The following SYAP1 variants were observed in gnomAD, a reference collection of about 807,000 sequenced individuals.
SYAP1 encodes the protein synapse-associated protein 1.
In SYAP1, 3 loss-of-function variants were observed where a neutral mutation model predicts 29.6. The ratio of observed to expected loss-of-function variants is 0.10; its 90% CI spans 0.05 to 0.26. SYAP1 has a LOEUF of 0.26. Among genes scored for constraint, SYAP1 ranks in the 10% least tolerant of loss-of-function variants. The pLI is 1.00. For missense variants in SYAP1, 217 were observed against 264.1 expected (o/e 0.82, Z 1.24); for synonymous variants, 102 against 102.7 (o/e 0.99, Z 0.04).
In SYAP1 at chrX:16,763,483, G is replaced by A. The variant is rs1373823251; in HGVS notation, c.*3124G>A. 9.1e-6 allele frequency: 1 copy of A among 110,132 alleles called. No individual in the cohort carries two copies. Among genetic ancestry groups the A allele is most frequent in the Admixed American group, 9.9e-5 (1 of 10,150 alleles). 9.1% of individuals were successfully genotyped at this position (110,132 alleles called of 1,213,427 possible). A position where few individuals can be genotyped will look rare whatever the true frequency, so the allele number is the denominator to read the frequency against. ...TTCTCCCACCTCAGCCTCCAGAGTA[G>A]CTGGGATTACAGGCAACCGCCACCA... On this transcript the variant is annotated 3_prime_UTR_variant, in exon 9 of 9. Transcript: ENST00000380155.
At chrX:16,743,300 C>T (rs1926515583) in intron 4 of SYAP1, among the ~76,000 whole-genome samples, 1 of 105,671 alleles carries the variant, frequency 9.5e-6, no homozygotes, top group African/African-American at 3.5e-5. Flanking sequence ...TGCATTATAG[C>T]CTGGGCGACA....
intron 3 of SYAP1, among the ~76,000 whole-genome samples, chrX:16,736,900 A>G (rs1349800521): frequency 8.9e-6 from 1 of 111,759 alleles, no homozygotes; most frequent in Non-Finnish European, 1.9e-5. Context: ...TGCTGTCTTC[A>G]GGAGAAAAAA....
intron 3 of SYAP1, 122 bp from the exon 4 acceptor site, chrX:16,741,594 T>C (rs978990028): frequency 1.1e-4 from 49 of 460,935 alleles, no homozygotes; most frequent in African/African-American, 9.5e-4. Flanking sequence ...TTGGAACTTA[T>C]TGGTAAATTG....
intron 5 of SYAP1, among the ~76,000 whole-genome samples, chrX:16,745,677 A>G (rs1348426567): frequency 1.9e-5 from 2 of 107,317 alleles, no homozygotes; most frequent in African/African-American, 6.8e-5. Flanking sequence ...CAGAGGTTGC[A>G]GTGCACCAAG....
chrX:16,729,503 A>G (rs1361426530), intron 1 of SYAP1, among the ~76,000 whole-genome samples: 1 of 86,050 alleles, frequency 1.2e-5, no homozygotes, highest in East Asian at 3.5e-4. Context: ...TTTTTTTTTT[A>G]GAGACAGAGT....
At chrX:16,737,309 T>C (rs1569249197) in intron 3 of SYAP1, among the ~76,000 whole-genome samples, 1 of 111,081 alleles carries the variant, frequency 9.0e-6, no homozygotes, top group Non-Finnish European at 1.9e-5. Flanking sequence ...CACTTGAGCT[T>C]GGGAGTTTGA....
At chrX:16,743,671 AC>A in intron 4 of SYAP1, 29 bp from the exon 5 acceptor site, 2 of 1,199,066 alleles carry the variant, frequency 1.7e-6, no homozygotes, top group South Asian at 1.8e-5. Context: ...TTTGTGGAAT[AC>A]CCTGTGTTTT....
chrX:16,747,486 G>T lies in SYAP1; in HGVS notation c.575+3646G>T, dbSNP rs113857026. 2.6e-3 allele frequency among the ~76,000 whole-genome samples: 289 copies of T among 112,433 alleles called. 1 individual carries two copies. The highest frequency in any genetic ancestry group is 8.6e-3 in the African/African-American group (266 of 31,064). ...GCTTGGCTCCTGCTGTGGCTCTCAAGACCAGCAAGAGGCCCTGAGTGGCTG... is the reference window on the plus strand; with the variant it reads ...GCTTGGCTCCTGCTGTGGCTCTCAATACCAGCAAGAGGCCCTGAGTGGCTG... On this transcript the variant is annotated intron_variant, in intron 5 of 8. Transcript: ENST00000380155.
intron 5 of SYAP1, 120 bp downstream of exon 5, chrX:16,743,960 C>T: frequency 3.7e-6 from 3 of 802,799 alleles, no homozygotes; most frequent in African/African-American, 2.0e-5. Flanking sequence ...CCCCGCAGCC[C>T]TTTGGCAGCT....
At chrX:16,722,398 C>T (rs928796851) in intron 1 of SYAP1, among the ~76,000 whole-genome samples, 4 of 109,983 alleles carry the variant, frequency 3.6e-5, no homozygotes, top group Non-Finnish European at 5.7e-5. Context: ...CGTGGTGGTG[C>T]GCGCCTATAA....
At chrX:16,735,380 T>C (rs755632780) in intron 2 of SYAP1, 35 bp downstream of exon 2, 2 of 873,590 alleles carry the variant, frequency 2.3e-6, no homozygotes, top group East Asian at 6.5e-5. Flanking sequence ...TAGAAATGTA[T>C]GAAATTCATT....
chrX:16,740,914 T>A (rs1239022299), intron 3 of SYAP1, among the ~76,000 whole-genome samples: 1 of 111,711 alleles, frequency 9.0e-6, no homozygotes, highest in Non-Finnish European at 1.9e-5. Context: ...ATCAGGAACA[T>A]TCCAACATCC....
chrX:16,757,595 T>C (rs1319668719), intron 8 of SYAP1, among the ~76,000 whole-genome samples: 2 of 110,050 alleles, frequency 1.8e-5, no homozygotes, highest in African/African-American at 3.3e-5. Context: ...TGGTGGTGGG[T>C]GCCTGTAGTC....
chrX:16,759,873 C>T (rs1926943008), intron 8 of SYAP1, among the ~76,000 whole-genome samples: 2 of 112,423 alleles, frequency 1.8e-5, no homozygotes, highest in African/African-American at 6.5e-5. Flanking sequence ...GCTGCTTTTG[C>T]TACCATCATC....
At chrX:16,720,258 G>T (rs1337122956) in intron 1 of SYAP1, among the ~76,000 whole-genome samples, 1 of 112,034 alleles carries the variant, frequency 8.9e-6, no homozygotes, top group Non-Finnish European at 1.9e-5. Context: ...CCCAGATCGG[G>T]GATAGTTGGC....
chrX:16,750,370 T>C (rs1288691701), intron 5 of SYAP1, among the ~76,000 whole-genome samples: 1 of 111,756 alleles, frequency 8.9e-6, no homozygotes, highest in Non-Finnish European at 1.9e-5. Flanking sequence ...ACAACAGTTG[T>C]GTGGCCACAT....
chrX:16,744,954 G>T (rs982332015), intron 5 of SYAP1, among the ~76,000 whole-genome samples: 2 of 112,359 alleles, frequency 1.8e-5, no homozygotes, highest in African/African-American at 6.5e-5. Context: ...GCAACAGAGT[G>T]AGACCCTGTC....
chrX:16,733,979 T>C (rs1435123036), intron 1 of SYAP1, among the ~76,000 whole-genome samples: 1 of 111,720 alleles, frequency 9.0e-6, no homozygotes, highest in Non-Finnish European at 1.9e-5. Context: ...CACATGTCTT[T>C]TCACATCTTC....
intron 2 of SYAP1, among the ~76,000 whole-genome samples, 177 bp from the exon 3 acceptor site, chrX:16,735,989 G>A (rs1926320316): frequency 1.8e-5 from 2 of 112,518 alleles, no homozygotes; most frequent in Admixed American, 1.9e-4. Context: ...TTTGCATCAT[G>A]CGACTAAGGT....
Sources: allele counts gnomAD v4.1 joint callset (sites outside exome capture counted in the v4.1 genomes callset), GRCh38; gene constraint gnomAD v4.1.1; transcripts MANE v1.5; gene names NCBI Gene and HGNC (gene_info 2026-07-23, HGNC 2026-07-21).